The following TG variants were observed in gnomAD, a reference collection of about 807,000 sequenced individuals.
TG encodes thyroid hormones.
Under a neutral mutation model 324.7 loss-of-function variants are expected in TG, and 270 were observed. The observed-to-expected ratio is 0.83, with a 90% confidence interval of 0.75 to 0.92. TG has a LOEUF of 0.92. TG is among the 40% of genes least tolerant of loss of function. TG has a pLI of 0.00. For synonymous variants in TG, 1,401 were observed against 1,327.0 expected (o/e 1.06, Z -1.21); for missense variants, 3,591 against 3,456.4 (o/e 1.04, Z -0.98).
At chr8:133,124,757 A>G (rs1029055130) in intron 45 of TG, among the ~76,000 whole-genome samples, 2 of 152,246 alleles carry the variant, frequency 1.3e-5, no homozygotes, top group African/African-American at 4.8e-5. Flanking sequence ...CTCCTTGATA[A>G]GTTGTCCCAA....
chr8:132,970,006 A>G (rs1440528101), intron 32 of TG, among the ~76,000 whole-genome samples: 1 of 151,822 alleles, frequency 6.6e-6, no homozygotes, highest in Non-Finnish European at 1.5e-5. Flanking sequence ...TGAAAACCTC[A>G]GCTAAGGTAA....
At chr8:132,948,594 A>G (rs112954376) in intron 26 of TG, among the ~76,000 whole-genome samples, 182 bp from the exon 27 acceptor site, 3 of 152,274 alleles carry the variant, frequency 2.0e-5, no homozygotes, top group African/African-American at 7.2e-5. Flanking sequence ...CAATAAGACA[A>G]CTGCAGGAAT....
intron 41 of TG, chr8:133,038,798 G>A: frequency 1.8e-6 from 2 of 1,093,680 alleles, no homozygotes; most frequent in Admixed American, 2.0e-5. Flanking sequence ...AGAGAGAGGA[G>A]GAGATAAAGG....
At chr8:132,988,120 A>G (rs937611094) in intron 35 of TG, among the ~76,000 whole-genome samples, 2 of 151,298 alleles carry the variant, frequency 1.3e-5, no homozygotes, top group African/African-American at 4.9e-5. Context: ...AAGCTAAGCA[A>G]TTAGGTCTCC....
At chr8:132,922,229 G>C (rs1821206870) in intron 21 of TG, among the ~76,000 whole-genome samples, 1 of 152,226 alleles carries the variant, frequency 6.6e-6, no homozygotes, top group Non-Finnish European at 1.5e-5. Flanking sequence ...TGAAGGACAA[G>C]GGGACATTAG....
At chr8:133,047,904 T>C in intron 41 of TG, 1 of 1,612,032 alleles carries the variant, frequency 6.2e-7, no homozygotes, top group Non-Finnish European at 8.5e-7. Context: ...CTCCTCGGCC[T>C]TGTCTCTGCC....
chr8:132,920,171 G>T (rs1563956365), intron 21 of TG, among the ~76,000 whole-genome samples: 1 of 152,158 alleles, frequency 6.6e-6, no homozygotes, highest in Non-Finnish European at 1.5e-5. Context: ...TGTATGTATG[G>T]GTGGCCTTCC....
chr8:132,905,351 T>A (rs763419724), intron 16 of TG, among the ~76,000 whole-genome samples: 1 of 152,192 alleles, frequency 6.6e-6, no homozygotes, highest in Non-Finnish European at 1.5e-5. Flanking sequence ...AGGAGCCTAC[T>A]GCAAATCGCA....
At chr8:133,078,984 A>C (rs1299051982) in intron 41 of TG, among the ~76,000 whole-genome samples, 2 of 152,214 alleles carry the variant, frequency 1.3e-5, no homozygotes, top group Admixed American at 1.3e-4. Flanking sequence ...AGAAACCTCT[A>C]GGGCTCCTGG....
At chr8:132,943,940 T>A (rs1249107894) in intron 26 of TG, among the ~76,000 whole-genome samples, 1 of 152,200 alleles carries the variant, frequency 6.6e-6, no homozygotes, top group African/African-American at 2.4e-5. Flanking sequence ...TCCTTAGATA[T>A]TGATAGGTCC....
At chr8:132,887,833 T>C (rs181351984) in intron 9 of TG, 151 bp from the exon 10 acceptor site, 37 of 834,440 alleles carry the variant, frequency 4.4e-5, no homozygotes, top group Admixed American at 4.2e-4. Context: ...GCAATGCCTA[T>C]CTAGATATTA....
chr8:132,936,536 T>C (rs1489216905), intron 25 of TG, among the ~76,000 whole-genome samples: 3 of 152,204 alleles, frequency 2.0e-5, no homozygotes, highest in African/African-American at 7.2e-5. Flanking sequence ...TCGTACTGTA[T>C]AGTTTATGAC....
chr8:133,088,256 GCTC>G (rs5895174), intron 41 of TG, among the ~76,000 whole-genome samples: 26,061 of 151,356 alleles, frequency 0.17, 2,444 homozygotes, highest in East Asian at 0.21. Context: ...CTCCCCTCCT[GCTC>G]CTCCTCCTCC....
At chr8:132,981,781 A>G (rs1216548899) in intron 34 of TG, among the ~76,000 whole-genome samples, 1 of 152,178 alleles carries the variant, frequency 6.6e-6, no homozygotes, top group African/African-American at 2.4e-5. Context: ...GAAGTCTGCC[A>G]AAGTTTGAGA....
At chr8:133,036,141 GCTGCTC>G (rs1157066966) in intron 41 of TG, among the ~76,000 whole-genome samples, 7 of 152,158 alleles carry the variant, frequency 4.6e-5, no homozygotes, top group Non-Finnish European at 2.9e-5. Flanking sequence ...AAGGCTGTTT[GCTGCTC>G]ATCTTTCAGG....
chr8:132,888,068 C>G lies in TG; in HGVS notation c.2261C>G (p.Thr754Ser). ...CTCTCTAACTCCAGCATGCTACCCA[C>G]CCTTTCCGACACCTACATCCCACAG... ...ALLSNSSMLPTLSDTYIPQCS... is the reference protein window; with the variant it reads ...ALLSNSSMLPSLSDTYIPQCS... The change falls in exon 10 of 48, where the codon ACC becomes AGC. Residue 754 changes from threonine to serine, a missense_variant. Thr to Ser is a moderately conservative substitution (Grantham distance 58). Coordinates refer to ENST00000220616, the MANE Select transcript of TG (RefSeq NM_003235.5). 1 of 1,614,188 alleles carries G rather than the reference C, an allele frequency of 6.2e-7. No individual in the cohort carries two copies. The highest frequency in any genetic ancestry group is 1.6e-4 in the Middle Eastern group (1 of 6,062).
At chr8:133,115,243 G>T (rs1237665695) in intron 44 of TG, among the ~76,000 whole-genome samples, 2 of 152,128 alleles carry the variant, frequency 1.3e-5, no homozygotes, top group Non-Finnish European at 1.5e-5. Flanking sequence ...CTCAGAAGAC[G>T]GACTCCAGCT....
rs1263221403 is a variant in TG, at chr8:132,966,710, A to C, written c.5686+13A>C. 2 of 1,613,898 alleles carry C rather than the reference A, an allele frequency of 1.2e-6. No individual in the cohort carries two copies. The highest frequency in any genetic ancestry group is 1.7e-6 in the Non-Finnish European group (2 of 1,179,964). On this transcript the variant is annotated intron_variant, in intron 30 of 47. Coordinates refer to ENST00000220616, the MANE Select transcript of TG (RefSeq NM_003235.5). ...TGGTGCCTTTCTCGTAAGTATCCTT[A>C]GAACTCATTCTTCTTCTTCCAGACA...
chr8:132,904,443 C>T (rs770773998), intron 16 of TG, among the ~76,000 whole-genome samples: 1 of 152,232 alleles, frequency 6.6e-6, no homozygotes, highest in Non-Finnish European at 1.5e-5. Context: ...AAAGTGTACT[C>T]TCTGGGGCTG....
Sources: allele counts gnomAD v4.1 joint callset (sites outside exome capture counted in the v4.1 genomes callset), GRCh38; gene constraint gnomAD v4.1.1; transcripts MANE v1.5; gene names NCBI Gene and HGNC (gene_info 2026-07-23, HGNC 2026-07-21).